RANBP2: variants seen among roughly 807,000 people sequenced by gnomAD.
The protein encoded by RANBP2 is E3 SUMO-protein ligase RanBP2.
RANBP2 carries 57 observed loss-of-function variants against 303.6 expected under a neutral mutation model. The observed-to-expected ratio is 0.19, with a 90% CI of 0.15 to 0.23. The LOEUF (loss-of-function observed/expected upper bound fraction) is 0.23. Among genes scored for constraint, RANBP2 ranks in the 10% least tolerant of loss-of-function variants. The pLI, the probability that RANBP2 is intolerant of heterozygous loss-of-function variation, is 1.00. For synonymous variants in RANBP2, 1,167 were observed against 1,301.5 expected (o/e 0.90, Z 2.23); for missense variants, 3,138 against 3,780.8 (o/e 0.83, Z 4.46).
At chr2:109,129,182 A>T in the RANBP2 span, 1 of 457,700 alleles carries the variant, frequency 2.2e-6, no homozygotes, top group Non-Finnish European at 4.1e-6. Context: ...CTGGTCTCCC[A>T]GGCGCGAGCC....
chr2:109,081,559 T>G, the RANBP2 span, among the ~76,000 whole-genome samples: 19 of 152,214 alleles, frequency 1.2e-4, no homozygotes, highest in Middle Eastern at 3.4e-3. Context: ...ATGAGACAGA[T>G]CACAAGGGCC....
intron 4 of RANBP2, among the ~76,000 whole-genome samples, chr2:108,732,816 C>T (rs751796129): frequency 5.3e-5 from 8 of 152,082 alleles, no homozygotes; most frequent in Non-Finnish European, 1.0e-4. Context: ...AAGTATGTGA[C>T]GTTTTTTTCT....
chr2:109,588,850 T>TAAAAAAAAAAAAAAAAAAAAAAA, the RANBP2 span, among the ~76,000 whole-genome samples: 1 of 111,448 alleles, frequency 9.0e-6, no homozygotes, highest in Non-Finnish European at 1.8e-5. Flanking sequence ...CAATTACTAT[T>TAAAAAAAAAAAAAAAAAAAAAAA]AAAAAAAAAA....
chr2:109,477,018 T>A, the RANBP2 span, among the ~76,000 whole-genome samples: 1 of 152,214 alleles, frequency 6.6e-6, no homozygotes, highest in Non-Finnish European at 1.5e-5. Context: ...AGGGTCTTTA[T>A]GATCTGTGCC....
the RANBP2 span, among the ~76,000 whole-genome samples, chr2:109,164,218 GC>G: frequency 6.6e-6 from 1 of 151,192 alleles, no homozygotes; most frequent in Non-Finnish European, 1.5e-5. Context: ...TTGCTCTGTT[GC>G]CCAGGCTGAA....
the RANBP2 span, among the ~76,000 whole-genome samples, chr2:109,078,104 A>ATATATATATATGGCG: frequency 1.1e-5 from 1 of 88,390 alleles, no homozygotes; most frequent in Non-Finnish European, 2.4e-5. Flanking sequence ...ATATATATAT[A>ATATATATATATGGCG]TATATATATA....
Position 108,748,997 on chromosome 2 carries a change from G to A in RANBP2, c.1141G>A (p.Gly381Arg), listed in dbSNP as rs555090749. Residue 381 changes from glycine (G) to arginine (R), a missense_variant, in exon 9 of 29, where the codon GGG becomes AGG. Coordinates refer to ENST00000283195, the MANE Select transcript of RANBP2 (RefSeq NM_006267.5). ...EIVETFANKS[G>R]QSALYDALFS... is the part of the protein sequence containing the mutation. The stretch of plus-strand genomic sequence containing the variant: ...TGTTGAAACTTTTGCCAACAAAAGC[G>A]GGCAGTCTGCATTATATGATGCTCT... The A allele has an allele frequency of 1.2e-5, 19 of 1,611,730 alleles. No homozygotes were observed. Among genetic ancestry groups the A allele is most frequent in the African/African-American group, 6.7e-5 (5 of 74,798 alleles).
At chr2:108,851,168 C>G in the RANBP2 span, among the ~76,000 whole-genome samples, 1 of 152,122 alleles carries the variant, frequency 6.6e-6, no homozygotes, top group Non-Finnish European at 1.5e-5. Flanking sequence ...AAGAGAGAGA[C>G]AGAGCAAGGT....
At chr2:109,171,317 T>C in the RANBP2 span, among the ~76,000 whole-genome samples, 1 of 152,268 alleles carries the variant, frequency 6.6e-6, no homozygotes, top group Non-Finnish European at 1.5e-5. Context: ...CTATTTCTTA[T>C]CTATAGCCTG....
At chr2:109,067,570 G>A in the RANBP2 span, among the ~76,000 whole-genome samples, 1 of 152,200 alleles carries the variant, frequency 6.6e-6, no homozygotes, top group African/African-American at 2.4e-5. Flanking sequence ...AAGTGGGGAT[G>A]TGACTGTGTC....
the RANBP2 span, among the ~76,000 whole-genome samples, chr2:108,997,846 G>A: frequency 4.8e-4 from 73 of 152,200 alleles, no homozygotes; most frequent in African/African-American, 1.6e-3. Flanking sequence ...AGCCGAGATC[G>A]CGCCACTGCA....
At chr2:109,431,359 CAAATA>C in the RANBP2 span, among the ~76,000 whole-genome samples, 1 of 152,204 alleles carries the variant, frequency 6.6e-6, no homozygotes. Flanking sequence ...ATCTTGTGAG[CAAATA>C]AAATAATCTG....
the RANBP2 span, among the ~76,000 whole-genome samples, chr2:109,554,422 C>G: frequency 6.6e-6 from 1 of 152,188 alleles, no homozygotes; most frequent in African/African-American, 2.4e-5. Context: ...CCTGCTTACT[C>G]CAGTTCAGGG....
At chr2:108,905,823 G>C in the RANBP2 span, among the ~76,000 whole-genome samples, 1 of 151,180 alleles carries the variant, frequency 6.6e-6, no homozygotes, top group Non-Finnish European at 1.5e-5. Flanking sequence ...CCAGGTTATG[G>C]GGAGACAGCC....
the RANBP2 span, among the ~76,000 whole-genome samples, chr2:108,800,916 T>G: frequency 4.2e-5 from 5 of 118,404 alleles, no homozygotes; most frequent in Non-Finnish European, 1.8e-5. Context: ...CTGAGAATGA[T>G]GGTTTCCAGT....
the RANBP2 span, among the ~76,000 whole-genome samples, chr2:109,394,658 T>C: frequency 6.6e-6 from 1 of 152,262 alleles, no homozygotes; most frequent in African/African-American, 2.4e-5. Context: ...TGGTTATGTG[T>C]GTGCACATCT....
the RANBP2 span, among the ~76,000 whole-genome samples, chr2:109,378,502 C>G: frequency 6.6e-6 from 1 of 152,132 alleles, no homozygotes; most frequent in Non-Finnish European, 1.5e-5. Context: ...TCTGAGGCAC[C>G]CTCCTTTTTC....
At chr2:109,177,248 G>T in the RANBP2 span, among the ~76,000 whole-genome samples, 1 of 152,316 alleles carries the variant, frequency 6.6e-6, no homozygotes, top group East Asian at 1.9e-4. Flanking sequence ...GGATTGTGAA[G>T]CAGGAAGATT....
chr2:109,116,978 T>C, the RANBP2 span, among the ~76,000 whole-genome samples: 1 of 152,166 alleles, frequency 6.6e-6, no homozygotes, highest in Admixed American at 6.5e-5. Flanking sequence ...TGCTGTCTGA[T>C]TGTTCGTCTG....
Sources: gnomAD v4.1 joint callset for allele counts (sites outside exome capture counted in the v4.1 genomes callset) on GRCh38, gnomAD v4.1.1 for gene constraint, MANE v1.5 for transcripts, NCBI Gene and HGNC (gene_info 2026-07-23, HGNC 2026-07-21) for gene names.